FIGN: variants seen among roughly 807,000 people sequenced by gnomAD.
FIGN encodes the protein fidgetin.
Under a neutral mutation model 51.3 loss-of-function variants are expected in FIGN, and 11 were observed. That is an observed-to-expected ratio of 0.21 (90% CI 0.13 to 0.35). The LOEUF (loss-of-function observed/expected upper bound fraction) is 0.35. Among genes scored for constraint, FIGN ranks in the 10% least tolerant of loss-of-function variants. FIGN has a pLI of 1.00. For synonymous variants in FIGN, 407 were observed against 363.2 expected (o/e 1.12, Z -1.37); for missense variants, 857 against 943.6 (o/e 0.91, Z 1.20).
rs1244524199 is a variant in FIGN at position 163,607,533 on chromosome 2, TTAAG to T, written c.*2015_*2018del. On this transcript the variant is annotated 3_prime_UTR_variant, in exon 3 of 3. Coordinates refer to ENST00000333129, the MANE Select transcript of FIGN (RefSeq NM_018086.4). ...AAATCCCTCATGAGCTTTCTCTATG[TTAAG>T]TGTTTCAGAGAATTGGATATTGTGG... is the stretch of plus-strand genomic sequence containing the variant. 1 of 146,400 alleles carries T rather than the reference TTAAG, an allele frequency of 6.8e-6. No individual in the cohort carries two copies. Among genetic ancestry groups the T allele is most frequent in the African/African-American group, 2.5e-5 (1 of 39,712 alleles). 9.1% of individuals were successfully genotyped at this position (146,400 alleles called of 1,614,324 possible).
chr2:163,710,157 T>A (rs543831313), intron 2 of FIGN, among the ~76,000 whole-genome samples: 15 of 152,286 alleles, frequency 9.8e-5, no homozygotes, highest in Middle Eastern at 3.4e-3. Context: ...TCATTAGTGT[T>A]CCAGCAAATA....
intron 2 of FIGN, among the ~76,000 whole-genome samples, chr2:163,613,307 G>T (rs1328887996): frequency 6.6e-6 from 1 of 152,034 alleles, no homozygotes; most frequent in Non-Finnish European, 1.5e-5. Context: ...TTTGCAAACT[G>T]TCTTGTGCCC....
chr2:163,609,077 T>C lies in FIGN; in HGVS notation c.*475A>G, dbSNP rs1691170222. 6.4e-6 allele frequency: 1 copy of C among 155,818 alleles called. No homozygotes were observed. The highest frequency in any genetic ancestry group is 2.4e-5 in the African/African-American group (1 of 41,482). The allele number at this position is 155,818 out of a possible 1,614,324, so 9.7% of individuals were successfully genotyped here. On this transcript the variant is annotated 3_prime_UTR_variant, in exon 3 of 3. Coordinates refer to ENST00000333129, the MANE Select transcript of FIGN (RefSeq NM_018086.4). ...TGCTCTTAAAATGGCAAAAATCTGG[T>C]TTTCTGTCATAACACAACTGTTCAT...
chr2:163,725,868 TG>T (rs1274833825), intron 2 of FIGN, among the ~76,000 whole-genome samples: 1 of 152,098 alleles, frequency 6.6e-6, no homozygotes, highest in African/African-American at 2.4e-5. Flanking sequence ...TTCACACCCA[TG>T]TTTTTAAAAA....
intron 2 of FIGN, among the ~76,000 whole-genome samples, chr2:163,675,917 C>T (rs997390923): frequency 2.0e-5 from 3 of 149,896 alleles, no homozygotes; most frequent in Admixed American, 6.7e-5. Context: ...AATCTTGTAC[C>T]GCAAAGCAAA....
intron 2 of FIGN, chr2:163,612,501 C>T: frequency 1.0e-6 from 1 of 985,290 alleles, no homozygotes. Context: ...AGGCAGCGCT[C>T]CATCGCTTTC....
At position 163,610,924 on chromosome 2, in the gene FIGN, A is replaced by G. The variant is rs1691237769; in HGVS notation, c.908T>C (p.Ile303Thr). 3.1e-6 allele frequency: 5 copies of G among 1,612,814 alleles called. No individual in the cohort carries two copies. Among genetic ancestry groups the G allele is most frequent in the Non-Finnish European group, 4.2e-6 (5 of 1,179,592 alleles). ...YTYQGHGLTP[I>T]APSALTNSSA... ...ACTGTTTGTCAGAGCCGACGGTGCA[A>G]TAGGTGTCAAACCATGGCCCTGGTA... is the stretch of plus-strand genomic sequence containing the variant. Residue 303 changes from isoleucine to threonine, a missense_variant, in exon 3 of 3, where the codon ATT becomes ACT. By Grantham distance (89) the Ile-to-Thr change is moderately conservative. Around this residue, in one of 3 missense-constraint regions of FIGN, gnomAD observed 799 missense variants for 849.5 expected, o/e 0.94. Coordinates refer to ENST00000333129, the MANE Select transcript of FIGN (RefSeq NM_018086.4).
intron 2 of FIGN, among the ~76,000 whole-genome samples, chr2:163,706,625 C>T (rs1187573241): frequency 1.3e-5 from 2 of 151,760 alleles, no homozygotes; most frequent in African/African-American, 4.9e-5. Flanking sequence ...GATTAAAATA[C>T]ACAATTCATA....
chr2:163,690,918 A>G (rs991015259), intron 2 of FIGN, among the ~76,000 whole-genome samples: 8 of 152,082 alleles, frequency 5.3e-5, no homozygotes, highest in Non-Finnish European at 1.2e-4. Context: ...AACATTTTTT[A>G]AACTATAGAT....
chr2:163,618,525 G>A (rs1682915020), intron 2 of FIGN, among the ~76,000 whole-genome samples: 1 of 151,198 alleles, frequency 6.6e-6, no homozygotes, highest in Admixed American at 6.6e-5. Context: ...CAGCCTGAGG[G>A]TAACATATAC....
intron 2 of FIGN, among the ~76,000 whole-genome samples, chr2:163,654,214 C>A (rs143182817): frequency 3.0e-3 from 452 of 152,100 alleles, no homozygotes; most frequent in African/African-American, 0.011. Context: ...GCTTGCATTT[C>A]GGAATCTTGG....
At chr2:163,643,290 T>A (rs545555589) in intron 2 of FIGN, among the ~76,000 whole-genome samples, 1 of 152,258 alleles carries the variant, frequency 6.6e-6, no homozygotes, top group East Asian at 1.9e-4. Context: ...AACAGTCTTT[T>A]CAACAAATGG....
At position 163,615,960 on chromosome 2, in the gene FIGN, T is replaced by C. The variant is rs1364043567; in HGVS notation, c.26-4154A>G. Among the ~76,000 whole-genome samples, 3 of 152,202 alleles carry C rather than the reference T, an allele frequency of 2.0e-5. No homozygotes were observed. In the East Asian group the frequency reaches 5.8e-4, roughly 29 times the overall value. ...TGAAAATACACAATCTAATAGAAAA[T>C]TGCTTTTAAGATAATTTAAGTGTTA... On this transcript the variant is annotated intron_variant, in intron 2 of 2. Coordinates refer to ENST00000333129, the MANE Select transcript of FIGN (RefSeq NM_018086.4).
chr2:163,668,756 C>G (rs569818093), intron 2 of FIGN, among the ~76,000 whole-genome samples: 1 of 151,828 alleles, frequency 6.6e-6, no homozygotes, highest in African/African-American at 2.4e-5. Flanking sequence ...CTGGCTAACA[C>G]GGTGAAACCC....
At position 163,666,062 on chromosome 2, in the gene FIGN, G is replaced by A. The variant is rs373302384; in HGVS notation, c.26-54256C>T. Among the ~76,000 whole-genome samples, 90 of 152,288 alleles carry A rather than the reference G, an allele frequency of 5.9e-4. No homozygotes were observed. In the South Asian group the frequency reaches 0.017, roughly 29 times the overall value. Reference sequence around the variant, plus strand: ...TTGTTTGTTTAAAACCCCAGGATGTGCAAATATATGTCAGAGCTGAAGTTG... The same window carrying A: ...TTGTTTGTTTAAAACCCCAGGATGTACAAATATATGTCAGAGCTGAAGTTG... On this transcript the variant is annotated intron_variant, in intron 2 of 2. Transcript: ENST00000333129.
At chr2:163,664,540 T>C (rs1484194292) in intron 2 of FIGN, among the ~76,000 whole-genome samples, 1 of 152,246 alleles carries the variant, frequency 6.6e-6, no homozygotes, top group African/African-American at 2.4e-5. Context: ...CAGAACAGTC[T>C]TAATTCTACT....
chr2:163,642,918 T>G (rs2105317298), intron 2 of FIGN, among the ~76,000 whole-genome samples: 1 of 152,290 alleles, frequency 6.6e-6, no homozygotes, highest in Non-Finnish European at 1.5e-5. Context: ...TATCTCATGC[T>G]CCTGGATTGA....
chr2:163,717,117 T>G lies in FIGN; in HGVS notation c.25+17786A>C, dbSNP rs186111851. On this transcript the variant is annotated intron_variant, in intron 2 of 2. Coordinates refer to ENST00000333129, the MANE Select transcript of FIGN (RefSeq NM_018086.4). ...AGTGATATGAAAAGTCTAAAATGCA[T>G]GATAAAAAGAGGATTCTCCTACCCT... Among the ~76,000 whole-genome samples, 272 of 152,286 alleles carry G rather than the reference T, an allele frequency of 1.8e-3. 2 individuals carry two copies. Among genetic ancestry groups the G allele is most frequent in the African/African-American group, 6.0e-3 (250 of 41,562 alleles).
At chr2:163,672,272 T>A in intron 2 of FIGN, among the ~76,000 whole-genome samples, 1 of 151,720 alleles carries the variant, frequency 6.6e-6, no homozygotes, top group Non-Finnish European at 1.5e-5. Flanking sequence ...AAAAACTACT[T>A]CGTTGATTTT....
Sources: allele counts gnomAD v4.1 joint callset (sites outside exome capture counted in the v4.1 genomes callset), GRCh38; gene constraint gnomAD v4.1.1; regional missense constraint gnomAD v4.1.1; transcripts MANE v1.5; gene names NCBI Gene and HGNC (gene_info 2026-07-23, HGNC 2026-07-21).